SERPINI1: variants seen among roughly 807,000 people sequenced by gnomAD.
SERPINI1 encodes the protein neuroserpin.
Under a neutral mutation model 41.1 loss-of-function variants are expected in SERPINI1, and 19 were observed. The observed-to-expected ratio is 0.46, with a 90% CI of 0.32 to 0.68. The LOEUF (loss-of-function observed/expected upper bound fraction) is 0.68. SERPINI1 is among the 30% of genes least tolerant of loss of function. The pLI is 0.03. For synonymous variants in SERPINI1, 138 were observed against 156.6 expected, an observed-to-expected ratio of 0.88 and a Z score of 0.89; for missense variants, 460 against 479.2, an observed-to-expected ratio of 0.96 and a Z score of 0.37.
chr3:167,771,264 A>ATCTAAATTCCCATTTAGAATTTG (rs1463900282), intron 1 of SERPINI1, among the ~76,000 whole-genome samples: 1 of 152,204 alleles, frequency 6.6e-6, no homozygotes, highest in Non-Finnish European at 1.5e-5. Flanking sequence ...GGTTGCGATA[A>ATCTAAATTCCCATTTAGAATTTG]TCTAAATTCC....
At chr3:167,743,094 C>G (rs909924216) in intron 1 of SERPINI1, among the ~76,000 whole-genome samples, 1 of 152,010 alleles carries the variant, frequency 6.6e-6, no homozygotes, top group African/African-American at 2.4e-5. Context: ...AGTAATCTCT[C>G]CATATAGACT....
intron 8 of SERPINI1, 52 bp from the exon 9 acceptor site, chr3:167,825,195 T>C: frequency 9.2e-7 from 1 of 1,086,940 alleles, no homozygotes; most frequent in Middle Eastern, 2.0e-4. Context: ...GGAAGATAAA[T>C]ATTTTATTAT....
intron 5 of SERPINI1, 145 bp from the exon 6 acceptor site, chr3:167,807,099 A>C (rs1421038574): frequency 1.4e-5 from 9 of 641,758 alleles, no homozygotes; most frequent in Non-Finnish European, 2.5e-5. Context: ...TGTTCAATCA[A>C]ATGCTAATTG....
chr3:167,766,666 A>G (rs1372117359), intron 1 of SERPINI1, among the ~76,000 whole-genome samples: 1 of 152,262 alleles, frequency 6.6e-6, no homozygotes, highest in East Asian at 1.9e-4. Flanking sequence ...ATGCCACTCC[A>G]GTGAGCACAT....
chr3:167,810,317 G>A (rs762643334), intron 6 of SERPINI1, among the ~76,000 whole-genome samples: 1 of 151,912 alleles, frequency 6.6e-6, no homozygotes, highest in Non-Finnish European at 1.5e-5. Flanking sequence ...CATGCATTTT[G>A]TTTCTACTTT....
At position 167,792,622 on chromosome 3, in the gene SERPINI1, T is replaced by C; in HGVS notation, c.514T>C (p.Phe172Leu). ...GAAAGATTTGGTATCCCCAAGGGAT[T>C]TTGATGCTGCCACTTATCTGGCCCT... ...LVKDLVSPRD[F>L]DAATYLALIN... Residue 172 changes from phenylalanine to leucine, a missense_variant, in exon 4 of 9, where the codon TTT becomes CTT. Transcript: ENST00000446050. The C allele has an allele frequency of 6.2e-7, 1 of 1,613,702 alleles. No homozygotes were observed. The highest frequency in any genetic ancestry group is 2.2e-5 in the East Asian group (1 of 44,846).
intron 6 of SERPINI1, among the ~76,000 whole-genome samples, chr3:167,816,984 T>C (rs2108572157): frequency 6.6e-6 from 1 of 152,150 alleles, no homozygotes; most frequent in South Asian, 2.1e-4. Flanking sequence ...GAGGTCCTTA[T>C]AGTTTATACT....
chr3:167,790,695 G>A, intron 3 of SERPINI1, 93 bp downstream of exon 3: 1 of 927,164 alleles, frequency 1.1e-6, no homozygotes, highest in Admixed American at 2.0e-5. Flanking sequence ...TTTGCATTTT[G>A]AATGTTTGAG....
intron 1 of SERPINI1, among the ~76,000 whole-genome samples, chr3:167,744,648 A>G (rs1283231433): frequency 7.7e-6 from 1 of 130,574 alleles, no homozygotes; most frequent in Non-Finnish European, 1.6e-5. Flanking sequence ...TTATATATAA[A>G]TATATATAAA....
intron 5 of SERPINI1, among the ~76,000 whole-genome samples, chr3:167,805,076 A>T (rs1711581852): frequency 6.6e-6 from 1 of 152,144 alleles, no homozygotes; most frequent in Admixed American, 6.6e-5. Context: ...ATATATAATA[A>T]TTCATAAGGT....
At chr3:167,748,401 T>A (rs1401246948) in intron 1 of SERPINI1, among the ~76,000 whole-genome samples, 1 of 152,170 alleles carries the variant, frequency 6.6e-6, no homozygotes, top group Non-Finnish European at 1.5e-5. Context: ...TAATTTATAT[T>A]GATAAAGGTG....
intron 1 of SERPINI1, among the ~76,000 whole-genome samples, chr3:167,779,829 A>G (rs772059735): frequency 6.6e-6 from 1 of 152,168 alleles, no homozygotes; most frequent in Non-Finnish European, 1.5e-5. Flanking sequence ...CACGTCTCCT[A>G]TTACAAACTC....
At chr3:167,798,494 G>A (rs1379381624) in intron 5 of SERPINI1, among the ~76,000 whole-genome samples, 2 of 152,140 alleles carry the variant, frequency 1.3e-5, no homozygotes, top group Non-Finnish European at 2.9e-5. Context: ...TCCACTAAAT[G>A]TTTGATAATG....
intron 1 of SERPINI1, 41 bp from the exon 2 acceptor site, chr3:167,789,070 A>C: frequency 4.1e-5 from 64 of 1,579,070 alleles, no homozygotes; most frequent in Non-Finnish European, 5.3e-5. Flanking sequence ...CTTTTGTTAT[A>C]GAGATAACTA....
At chr3:167,802,967 G>C (rs1711504426) in intron 5 of SERPINI1, among the ~76,000 whole-genome samples, 2 of 151,554 alleles carry the variant, frequency 1.3e-5, no homozygotes, top group Admixed American at 1.3e-4. Flanking sequence ...ATGAGTTCAT[G>C]TCCTTTGTAG....
intron 1 of SERPINI1, among the ~76,000 whole-genome samples, chr3:167,781,659 T>G (rs1442017129): frequency 7.6e-6 from 1 of 132,196 alleles, no homozygotes; most frequent in African/African-American, 2.6e-5. Context: ...TTTTTTTTTT[T>G]ACTGGAGAAA....
At chr3:167,789,520 A>G in intron 2 of SERPINI1, 142 bp downstream of exon 2, 2 of 926,572 alleles carry the variant, frequency 2.2e-6, no homozygotes, top group African/African-American at 1.7e-5. Context: ...AAGGATTAGG[A>G]AACCCAAGAA....
At chr3:167,781,486 G>A (rs1377392098) in intron 1 of SERPINI1, among the ~76,000 whole-genome samples, 2 of 151,864 alleles carry the variant, frequency 1.3e-5, no homozygotes, top group Non-Finnish European at 2.9e-5. Flanking sequence ...TATATTAGCA[G>A]AACAAAAATT....
At chr3:167,772,893 T>TACACAC (rs71176658) in intron 1 of SERPINI1, among the ~76,000 whole-genome samples, 4 of 52,236 alleles carry the variant, frequency 7.7e-5, no homozygotes, top group East Asian at 1.1e-3. Context: ...TATATATATA[T>TACACAC]ACACACACAC....
Sources: allele counts gnomAD v4.1 joint callset (sites outside exome capture counted in the v4.1 genomes callset), GRCh38; gene constraint gnomAD v4.1.1; transcripts MANE v1.5; gene names NCBI Gene and HGNC (gene_info 2026-07-23, HGNC 2026-07-21).